Variants in GRM8 observed in about 807,000 individuals in gnomAD.
GRM8 encodes the protein metabotropic glutamate receptor 8.
GRM8 carries 47 observed loss-of-function variants against 87.2 expected under a neutral mutation model. That is an observed-to-expected ratio of 0.54 (90% CI 0.43 to 0.69). GRM8 has a LOEUF of 0.69. Ranked by LOEUF, GRM8 falls within the 30% of genes least tolerant of loss-of-function variation. The pLI, the probability that GRM8 is intolerant of heterozygous loss-of-function variation, is 0.00. For missense variants in GRM8, 1,019 were observed against 1,139.2 expected, an observed-to-expected ratio of 0.89 and a Z score of 1.52; for synonymous variants, 396 against 404.5, an observed-to-expected ratio of 0.98 and a Z score of 0.25.
At chr7:126,861,037 C>G (rs1239914784) in intron 6 of GRM8, among the ~76,000 whole-genome samples, 1 of 152,158 alleles carries the variant, frequency 6.6e-6, no homozygotes, top group African/African-American at 2.4e-5. Context: ...CTGTGGCCTT[C>G]AGCCATGCTC....
Position 127,086,199 on chromosome 7 carries a change from C to G in GRM8, c.727+20297G>C, listed in dbSNP as rs368363373. Reference sequence around the variant, plus strand: ...CACTGCAACCTCCACCTTCTGGGTTCAAGCGATTCTTCTGCCTCAGCGTCC... The same window carrying G: ...CACTGCAACCTCCACCTTCTGGGTTGAAGCGATTCTTCTGCCTCAGCGTCC... On this transcript the variant is annotated intron_variant, in intron 3 of 10. Transcript: ENST00000339582. Among the ~76,000 whole-genome samples the G allele has an allele frequency of 1.3e-4, 20 of 152,308 alleles. No individual in the cohort carries two copies. In the East Asian group the frequency reaches 2.7e-3, roughly 21 times the overall value.
At chr7:126,589,837 T>C (rs1250459424) in intron 8 of GRM8, among the ~76,000 whole-genome samples, 1 of 152,136 alleles carries the variant, frequency 6.6e-6, no homozygotes, top group African/African-American at 2.4e-5. Context: ...AGGTAAGTAC[T>C]ACATCAAGGG....
intron 9 of GRM8, among the ~76,000 whole-genome samples, chr7:126,528,595 C>T (rs1266630385): frequency 2.1e-5 from 3 of 145,496 alleles, no homozygotes; most frequent in Non-Finnish European, 4.5e-5. Flanking sequence ...AAAAACACAC[C>T]ATACAGAGAC....
At chr7:126,779,743 A>G (rs1819866461) in intron 6 of GRM8, among the ~76,000 whole-genome samples, 3 of 152,166 alleles carry the variant, frequency 2.0e-5, no homozygotes, top group Admixed American at 2.0e-4. Flanking sequence ...GGTATAATTT[A>G]TAAATTTCTA....
chr7:127,133,778 T>C (rs1039658037), intron 2 of GRM8, among the ~76,000 whole-genome samples: 7 of 150,618 alleles, frequency 4.6e-5, no homozygotes, highest in South Asian at 2.1e-4. Context: ...CCTTCTTGGG[T>C]TTTTTTCTTT....
At chr7:126,749,492 T>C (rs979887085) in intron 7 of GRM8, among the ~76,000 whole-genome samples, 1 of 151,542 alleles carries the variant, frequency 6.6e-6, no homozygotes, top group South Asian at 2.1e-4. Context: ...TCTCAAAAGA[T>C]ACCATTATGA....
chr7:127,242,910 C>T lies in GRM8; in HGVS notation c.295G>A (p.Gly99Ser), dbSNP rs1587363010. The change falls in exon 2 of 11, where the codon GGT becomes AGT. Residue 99 changes from glycine to serine, a missense_variant. By Grantham distance (56) the Gly-to-Ser change is moderately conservative. Coordinates refer to ENST00000339582, the MANE Select transcript of GRM8 (RefSeq NM_000845.3). ...GAGCACGTGTCGAGGATGCGGACAC[C>T]CAGAGTGATGTTGGAAAGGAGATCA... ...DPDLLSNITL[G>S]VRILDTCSRD... 6.2e-7 allele frequency: 1 copy of T among 1,614,084 alleles called. No homozygotes were observed. Among genetic ancestry groups the T allele is most frequent in the Non-Finnish European group, 8.5e-7 (1 of 1,179,982 alleles).
intron 6 of GRM8, among the ~76,000 whole-genome samples, chr7:126,793,273 T>C (rs1008260): frequency 0.37 from 56,862 of 152,024 alleles, 11,875 homozygotes; most frequent in Non-Finnish European, 0.47. Flanking sequence ...ACCAATTGCA[T>C]TTTATTGTTT....
In GRM8 at chr7:126,897,343, T is replaced by C. The variant is rs931296502; in HGVS notation, c.1156+5199A>G. 9.2e-5 allele frequency among the ~76,000 whole-genome samples: 14 copies of C among 152,126 alleles called. No individual in the cohort carries two copies. The South Asian group carries it at 2.5e-3, about 27-fold the overall frequency. On this transcript the variant is annotated intron_variant, in intron 6 of 10. Transcript: ENST00000339582. ...AAAGACTCTACTGCCAATGAGAACA[T>C]TGCTGGACAAAACAAGGTCAAGTAA...
chr7:127,247,577 A>T (rs970732475), intron 1 of GRM8, among the ~76,000 whole-genome samples: 13 of 152,104 alleles, frequency 8.5e-5, no homozygotes, highest in Admixed American at 3.9e-4. Flanking sequence ...GTGCATGTCT[A>T]TGGATTCTTG....
At chr7:126,567,623 G>T (rs2150976924) in intron 8 of GRM8, among the ~76,000 whole-genome samples, 1 of 152,160 alleles carries the variant, frequency 6.6e-6, no homozygotes, top group Non-Finnish European at 1.5e-5. Flanking sequence ...TTTTTTAATT[G>T]TGTATGCTTT....
chr7:126,974,270 AG>A (rs1759806547), intron 3 of GRM8, among the ~76,000 whole-genome samples: 1 of 152,204 alleles, frequency 6.6e-6, no homozygotes. Context: ...TTTGGATAAA[AG>A]ATACACAACC....
intron 3 of GRM8, among the ~76,000 whole-genome samples, chr7:127,104,823 T>C (rs1396466930): frequency 6.6e-6 from 1 of 152,166 alleles, no homozygotes; most frequent in African/African-American, 2.4e-5. Flanking sequence ...CCCTAAAAAA[T>C]AAAAACTAAG....
intron 8 of GRM8, among the ~76,000 whole-genome samples, chr7:126,601,217 T>G (rs900563197): frequency 6.6e-6 from 1 of 152,000 alleles, no homozygotes; most frequent in African/African-American, 2.4e-5. Context: ...TTACTGAGAA[T>G]GATGATTTCC....
At chr7:126,445,979 A>T in intron 10 of GRM8, 147 bp downstream of exon 10, 1 of 916,550 alleles carries the variant, frequency 1.1e-6, no homozygotes, top group Non-Finnish European at 1.7e-6. Context: ...GAATGGTTTT[A>T]AATGTGATGG....
At chr7:127,055,535 AAAG>A (rs1819893924) in intron 3 of GRM8, among the ~76,000 whole-genome samples, 2 of 152,174 alleles carry the variant, frequency 1.3e-5, no homozygotes, top group African/African-American at 4.8e-5. Context: ...TGCAAACCTG[AAAG>A]AAAATAAATC....
chr7:127,037,108 G>C (rs757638547), intron 3 of GRM8, among the ~76,000 whole-genome samples: 7 of 152,068 alleles, frequency 4.6e-5, no homozygotes, highest in Admixed American at 1.3e-4. Flanking sequence ...TCAAAAAACT[G>C]ATTTAAGAAA....
intron 8 of GRM8, among the ~76,000 whole-genome samples, chr7:126,607,128 T>C (rs2151092729): frequency 6.6e-6 from 1 of 152,326 alleles, no homozygotes; most frequent in African/African-American, 2.4e-5. Flanking sequence ...AAAGGGCTTC[T>C]GTCAAAAAGC....
At chr7:126,466,133 G>T (rs1448542801) in intron 9 of GRM8, among the ~76,000 whole-genome samples, 1 of 151,668 alleles carries the variant, frequency 6.6e-6, no homozygotes, top group East Asian at 1.9e-4. Context: ...CTTGTTCTCA[G>T]TCTTTCAGTG....
Sources: allele counts gnomAD v4.1 joint callset (sites outside exome capture counted in the v4.1 genomes callset), GRCh38; gene constraint gnomAD v4.1.1; transcripts MANE v1.5; gene names NCBI Gene and HGNC (gene_info 2026-07-23, HGNC 2026-07-21).